The following SV2C variants were observed in gnomAD, a reference collection of about 807,000 sequenced individuals.
SV2C encodes the protein solute carrier family 22 member B3.
In SV2C, 49 loss-of-function variants were observed where a neutral mutation model predicts 79.7. That is an observed-to-expected ratio of 0.61 (90% CI 0.49 to 0.78). The LOEUF (loss-of-function observed/expected upper bound fraction) is 0.78, where lower values mean the gene tolerates loss of function less well. Ranked by LOEUF, SV2C falls within the 30% of genes least tolerant of loss-of-function variation. The pLI, the probability that SV2C is intolerant of heterozygous loss-of-function variation, is 0.00. For missense variants in SV2C, 833 were observed against 912.9 expected (o/e 0.91, Z 1.13); for synonymous variants, 334 against 333.2 (o/e 1.00, Z -0.03).
the SV2C span, among the ~76,000 whole-genome samples, chr5:76,001,798 C>G: frequency 6.6e-6 from 1 of 152,016 alleles, no homozygotes; most frequent in Non-Finnish European, 1.5e-5. Flanking sequence ...AGTCATGAAC[C>G]TTGTTTTTAA....
the SV2C span, among the ~76,000 whole-genome samples, chr5:75,914,988 G>T: frequency 1.3e-5 from 2 of 152,200 alleles, no homozygotes; most frequent in African/African-American, 4.8e-5. Context: ...GAGAAAAAGA[G>T]CTTGTGCAGG....
Position 76,248,700 on chromosome 5 carries a change from C to T in SV2C, c.914-36462C>T, listed in dbSNP as rs149141726. ...GTGGTGCGATCTTGGCTCACTGCAACCTCCACCTCCTGAGTCCAAGTCATC... is the reference window on the plus strand; with the variant it reads ...GTGGTGCGATCTTGGCTCACTGCAATCTCCACCTCCTGAGTCCAAGTCATC... On this transcript the variant is annotated intron_variant, in intron 4 of 12. Coordinates refer to ENST00000502798, the MANE Select transcript of SV2C (RefSeq NM_014979.4). Among the ~76,000 whole-genome samples the T allele has an allele frequency of 1.7e-3, 258 of 151,564 alleles. 1 individual carries two copies. Among genetic ancestry groups the T allele is most frequent in the Middle Eastern group, 6.8e-3 (2 of 294 alleles).
the SV2C span, among the ~76,000 whole-genome samples, chr5:75,972,254 A>C: frequency 0.014 from 2,148 of 152,210 alleles, 66 homozygotes; most frequent in African/African-American, 0.05. Flanking sequence ...ACCATTCAGG[A>C]CATAGGCATG....
intron 2 of SV2C, among the ~76,000 whole-genome samples, chr5:76,193,484 G>T (rs2112324991): frequency 6.6e-6 from 1 of 152,270 alleles, no homozygotes; most frequent in Middle Eastern, 3.4e-3. Flanking sequence ...CCTGGTTTCT[G>T]GTTTGCACAT....
chr5:76,318,180 G>A (rs539442298), intron 12 of SV2C, among the ~76,000 whole-genome samples: 3 of 152,328 alleles, frequency 2.0e-5, no homozygotes, highest in Admixed American at 6.5e-5. Context: ...AGCACTTTGG[G>A]AGGCCGAGGC....
At chr5:76,243,294 G>A (rs2112425270) in intron 4 of SV2C, among the ~76,000 whole-genome samples, 1 of 152,246 alleles carries the variant, frequency 6.6e-6, no homozygotes, top group Non-Finnish European at 1.5e-5. Flanking sequence ...CTCAAGTAAA[G>A]GATTCCACAA....
In SV2C at chr5:76,174,348, G is replaced by A. The variant is rs191973919; in HGVS notation, c.581-20571G>A. ...CTGGTTTACACGCCTGAATCTGGGC[G>A]AGGTTTTCTCAATCCTATTTTATGA... On this transcript the variant is annotated intron_variant, in intron 2 of 12. Coordinates refer to ENST00000502798, the MANE Select transcript of SV2C (RefSeq NM_014979.4). Among the ~76,000 whole-genome samples the A allele has an allele frequency of 3.3e-5, 5 of 152,392 alleles. No individual in the cohort carries two copies. The East Asian group carries it at 5.8e-4, about 18-fold the overall frequency.
chr5:76,131,916 G>T lies in SV2C; in HGVS notation c.166G>T (p.Asp56Tyr). 6.2e-7 allele frequency: 1 copy of T among 1,614,002 alleles called. No homozygotes were observed. Among genetic ancestry groups the T allele is most frequent in the Non-Finnish European group, 8.5e-7 (1 of 1,179,984 alleles). The change falls in exon 2 of 13, where the codon GAT (aspartate) becomes TAT (tyrosine). Residue 56 changes from aspartate to tyrosine, a missense_variant. Transcript: ENST00000502798. The stretch of plus-strand genomic sequence containing the variant: ...TCGGTTCCAAGATGAAGAAGATGAT[G>T]ATGACTACTACCCGGCTGGAGAAAC... ...YSRFQDEEDDDDYYPAGETYN... is the reference protein window; with the variant it reads ...YSRFQDEEDDYDYYPAGETYN...
At chr5:76,163,261 C>T (rs1036160895) in intron 2 of SV2C, among the ~76,000 whole-genome samples, 8 of 152,012 alleles carry the variant, frequency 5.3e-5, no homozygotes, top group Non-Finnish European at 7.4e-5. Flanking sequence ...TGTGGTTGCA[C>T]TGTGTTGATT....
the SV2C span, among the ~76,000 whole-genome samples, chr5:75,951,187 C>CA: frequency 1.1e-4 from 17 of 151,306 alleles, no homozygotes; most frequent in South Asian, 2.1e-4. Context: ...GGGATGAGAG[C>CA]AAAAAAAAGA....
At chr5:76,147,772 G>A (rs964895305) in intron 2 of SV2C, among the ~76,000 whole-genome samples, 3 of 152,102 alleles carry the variant, frequency 2.0e-5, no homozygotes, top group South Asian at 2.1e-4. Context: ...TTTATTTTAG[G>A]TAAATAAAGC....
At chr5:76,094,224 T>C (rs1311516047) in intron 1 of SV2C, among the ~76,000 whole-genome samples, 2 of 152,200 alleles carry the variant, frequency 1.3e-5, no homozygotes, top group African/African-American at 4.8e-5. Context: ...AAAACATAGA[T>C]TATAAATATA....
At chr5:76,204,739 C>A (rs956390130) in intron 3 of SV2C, among the ~76,000 whole-genome samples, 6 of 152,190 alleles carry the variant, frequency 3.9e-5, no homozygotes, top group African/African-American at 1.4e-4. Flanking sequence ...CTCCCTCTTT[C>A]ATTGAAGAAA....
chr5:75,953,837 T>C, the SV2C span, among the ~76,000 whole-genome samples: 1 of 151,992 alleles, frequency 6.6e-6, no homozygotes, highest in South Asian at 2.1e-4. Flanking sequence ...AATGTACCTT[T>C]TCTTGGCTGC....
At chr5:76,121,112 T>C (rs1270557334) in intron 1 of SV2C, among the ~76,000 whole-genome samples, 5 of 151,214 alleles carry the variant, frequency 3.3e-5, no homozygotes, top group Admixed American at 6.6e-5. Context: ...ATTTCTCTGA[T>C]GGCCAGTGAT....
intron 4 of SV2C, among the ~76,000 whole-genome samples, chr5:76,264,498 T>G (rs114698699): frequency 6.2e-4 from 94 of 152,282 alleles, no homozygotes; most frequent in African/African-American, 2.2e-3. Context: ...TGCGATCATT[T>G]GAAGGATAAG....
intron 4 of SV2C, among the ~76,000 whole-genome samples, chr5:76,251,935 C>A (rs1746127995): frequency 6.6e-6 from 1 of 152,128 alleles, no homozygotes; most frequent in South Asian, 2.1e-4. Flanking sequence ...TTACAAAACA[C>A]TTTTACTCCA....
At chr5:76,018,074 T>C in the SV2C span, among the ~76,000 whole-genome samples, 7 of 152,134 alleles carry the variant, frequency 4.6e-5, no homozygotes, top group Admixed American at 6.5e-5. Flanking sequence ...GGCTTCCTGA[T>C]TGTAGAAAAG....
intron 12 of SV2C, among the ~76,000 whole-genome samples, chr5:76,308,081 C>G (rs989251871): frequency 4.6e-5 from 7 of 152,138 alleles, no homozygotes; most frequent in African/African-American, 1.2e-4. Flanking sequence ...ATTTGTATGA[C>G]AAACAGTTTC....
Sources: gnomAD v4.1 joint callset for allele counts (sites outside exome capture counted in the v4.1 genomes callset) on GRCh38, gnomAD v4.1.1 for gene constraint, MANE v1.5 for transcripts, NCBI Gene and HGNC (gene_info 2026-07-23, HGNC 2026-07-21) for gene names.